Variants in WWOX observed in about 807,000 individuals in gnomAD.
The protein encoded by WWOX is WW domain containing oxidoreductase, also known as WW domain-containing oxidoreductase.
A neutral mutation model predicts 46.2 loss-of-function variants in WWOX; 69 were observed. The observed-to-expected ratio is 1.49, with a 90% CI of 1.23 to 1.82. The LOEUF is 1.82. Ranked by LOEUF, WWOX falls within the 40% of genes most tolerant of loss-of-function variation. WWOX has a pLI of 0.00. For missense variants in WWOX, 919 were observed against 542.6 expected (o/e 1.69, Z -6.89); for synonymous variants, 359 against 202.6 (o/e 1.77, Z -6.56).
At chr16:78,780,761 A>G (rs1274505266) in intron 8 of WWOX, among the ~76,000 whole-genome samples, 1 of 152,206 alleles carries the variant, frequency 6.6e-6, no homozygotes, top group Non-Finnish European at 1.5e-5. Context: ...AGCTAGAACA[A>G]GAAAGGGGCC....
chr16:78,697,619 G>A (rs897510645), intron 8 of WWOX, among the ~76,000 whole-genome samples: 1 of 152,120 alleles, frequency 6.6e-6, no homozygotes, highest in Non-Finnish European at 1.5e-5. Context: ...CTCAAAAGAA[G>A]ATACACAAAT....
In WWOX at chr16:79,201,653, G is replaced by C. The variant is rs537319783; in HGVS notation, c.1057-9955G>C. The stretch of plus-strand genomic sequence containing the variant: ...CCATTAAAAAGTTTATGCGCTGCTT[G>C]GTTTCCATGGATACCTGAGGTAATA... On this transcript the variant is annotated intron_variant, in intron 8 of 8. Coordinates refer to ENST00000566780, the MANE Select transcript of WWOX (RefSeq NM_016373.4). 2.6e-5 allele frequency among the ~76,000 whole-genome samples: 4 copies of C among 152,248 alleles called. No homozygotes were observed. The East Asian group carries it at 5.8e-4, about 22-fold the overall frequency.
intron 5 of WWOX, among the ~76,000 whole-genome samples, chr16:78,254,365 G>C (rs1230621297): frequency 1.3e-5 from 2 of 151,376 alleles, no homozygotes; most frequent in African/African-American, 4.9e-5. Flanking sequence ...GATTACAGGT[G>C]TGAGCCACCA....
At chr16:78,675,566 G>A (rs1268105388) in intron 8 of WWOX, among the ~76,000 whole-genome samples, 3 of 152,306 alleles carry the variant, frequency 2.0e-5, no homozygotes, top group East Asian at 3.9e-4. Context: ...GGGGGTTTAT[G>A]TGATGGCTCC....
intron 8 of WWOX, among the ~76,000 whole-genome samples, chr16:79,012,063 G>C (rs2047321661): frequency 1.3e-5 from 2 of 152,256 alleles, no homozygotes; most frequent in South Asian, 2.1e-4. Flanking sequence ...AAGTGTCAAA[G>C]CCAACAGTGG....
chr16:78,345,449 C>A (rs2081076170), intron 5 of WWOX, among the ~76,000 whole-genome samples: 2 of 42,520 alleles, frequency 4.7e-5, no homozygotes, highest in South Asian at 1.2e-3. Context: ...GGCAAAACCC[C>A]ATCGCTACCA....
chr16:78,202,590 A>G (rs1288990147), intron 5 of WWOX, among the ~76,000 whole-genome samples: 1 of 152,160 alleles, frequency 6.6e-6, no homozygotes, highest in Non-Finnish European at 1.5e-5. Flanking sequence ...AAGTGCATGT[A>G]TTTCAGCTTT....
intron 5 of WWOX, among the ~76,000 whole-genome samples, chr16:78,223,196 C>T (rs980938218): frequency 1.3e-5 from 2 of 152,252 alleles, no homozygotes; most frequent in East Asian, 1.9e-4. Flanking sequence ...TGACTCTGCC[C>T]ATCAAGGGAC....
At chr16:78,635,866 G>A (rs1651479828) in intron 8 of WWOX, among the ~76,000 whole-genome samples, 1 of 152,138 alleles carries the variant, frequency 6.6e-6, no homozygotes, top group African/African-American at 2.4e-5. Context: ...GTGGCCATTG[G>A]AGGGGAAAAA....
chr16:78,234,403 AT>A (rs912615528), intron 5 of WWOX, among the ~76,000 whole-genome samples: 6 of 152,016 alleles, frequency 3.9e-5, no homozygotes, highest in African/African-American at 1.4e-4. Context: ...AGAAGTTCAT[AT>A]GTGTGTGTGT....
chr16:78,880,905 A>G (rs1396059014), intron 8 of WWOX, among the ~76,000 whole-genome samples: 1 of 152,060 alleles, frequency 6.6e-6, no homozygotes, highest in Non-Finnish European at 1.5e-5. Context: ...ACGTAGGTAT[A>G]AGACCCTGAC....
intron 8 of WWOX, among the ~76,000 whole-genome samples, chr16:79,035,797 A>G (rs769656756): frequency 2.3e-4 from 35 of 152,010 alleles, no homozygotes; most frequent in African/African-American, 7.5e-4. Context: ...CAAAAGGCCA[A>G]CCCCATTAGA....
intron 8 of WWOX, among the ~76,000 whole-genome samples, chr16:78,936,050 G>A (rs1243366608): frequency 1.3e-5 from 2 of 152,312 alleles, no homozygotes; most frequent in Admixed American, 6.5e-5. Flanking sequence ...GAGTGAAAGA[G>A]TGGAGACTGG....
In WWOX at chr16:79,057,246, C is replaced by G. The variant is rs553889687; in HGVS notation, c.1057-154362C>G. 2.8e-3 allele frequency among the ~76,000 whole-genome samples: 424 copies of G among 152,288 alleles called. 3 individuals are homozygous for G. The highest frequency in any genetic ancestry group is 0.01 in the African/African-American group (418 of 41,562). On this transcript the variant is annotated intron_variant, in intron 8 of 8. Coordinates refer to ENST00000566780, the MANE Select transcript of WWOX (RefSeq NM_016373.4). Reference sequence around the variant, plus strand: ...ACCTCTTTTAGGATACATCACCAGTCTTCCAATGGCAAACTTATGTTTATT... The same window carrying G: ...ACCTCTTTTAGGATACATCACCAGTGTTCCAATGGCAAACTTATGTTTATT...
chr16:78,782,658 T>C (rs908081363), intron 8 of WWOX, among the ~76,000 whole-genome samples: 4 of 151,652 alleles, frequency 2.6e-5, no homozygotes, highest in Non-Finnish European at 5.9e-5. Flanking sequence ...GGTCTTTCTT[T>C]TCTATATCTT....
chr16:78,882,743 C>G (rs1031677047), intron 8 of WWOX, among the ~76,000 whole-genome samples: 62 of 151,894 alleles, frequency 4.1e-4, no homozygotes, highest in African/African-American at 1.5e-3. Flanking sequence ...CCCGCTTCAG[C>G]CTCTTAAAAT....
chr16:78,466,256 C>G (rs187574082), intron 8 of WWOX, among the ~76,000 whole-genome samples: 1 of 152,100 alleles, frequency 6.6e-6, no homozygotes, highest in East Asian at 1.9e-4. Flanking sequence ...TGGTCTCGAT[C>G]TCCTGACCTT....
chr16:79,088,149 TC>T (rs1668220305), intron 8 of WWOX, among the ~76,000 whole-genome samples: 1 of 152,132 alleles, frequency 6.6e-6, no homozygotes, highest in Non-Finnish European at 1.5e-5. Context: ...AAGCATCTCA[TC>T]TCCCCAGGCC....
chr16:78,903,272 A>T lies in WWOX; in HGVS notation c.1057-308336A>T, dbSNP rs140302673. ...GCAGAAAGCAACCAATCAGAGGCTG[A>T]AGTGAAGTTACAAATATCACACTCC... is the stretch of plus-strand genomic sequence containing the variant. On this transcript the variant is annotated intron_variant, in intron 8 of 8. Coordinates refer to ENST00000566780, the MANE Select transcript of WWOX (RefSeq NM_016373.4). Among the ~76,000 whole-genome samples, 45 of 152,316 alleles carry T rather than the reference A, an allele frequency of 3.0e-4. No individual in the cohort carries two copies. The East Asian group carries it at 8.7e-3, about 29-fold the overall frequency.
Sources: allele counts gnomAD v4.1 joint callset (sites outside exome capture counted in the v4.1 genomes callset), GRCh38; gene constraint gnomAD v4.1.1; transcripts MANE v1.5; gene names NCBI Gene and HGNC (gene_info 2026-07-23, HGNC 2026-07-21).